DST: variants seen among roughly 807,000 people sequenced by gnomAD.
DST encodes the protein bullous pemphigoid antigen.
A neutral mutation model predicts 875.2 loss-of-function variants in DST; 253 were observed. That is an observed-to-expected ratio of 0.29 (90% confidence interval 0.26 to 0.32). DST has a LOEUF of 0.32. DST is among the 10% of genes least tolerant of loss of function. The pLI is 1.00. For missense variants in DST, 8,287 were observed against 9,111.6 expected (o/e 0.91, Z 3.68); for synonymous variants, 3,124 against 3,197.1 (o/e 0.98, Z 0.77).
chr6:56,897,455 C>T (rs1482239321), intron 3 of DST, among the ~76,000 whole-genome samples: 1 of 152,074 alleles, frequency 6.6e-6, no homozygotes, highest in East Asian at 1.9e-4. Context: ...TTCCACCTCC[C>T]GAGTAGCTGG....
chr6:56,640,608 G>A lies in DST; in HGVS notation c.2028-3C>T, dbSNP rs1166744704. 1 of 1,612,264 alleles carries A rather than the reference G, an allele frequency of 6.2e-7. No individual in the cohort carries two copies. The highest frequency in any genetic ancestry group is 8.5e-7 in the Non-Finnish European group (1 of 1,178,718). On this transcript the variant is annotated splice_region_variant and splice_polypyrimidine_tract_variant and intron_variant, in intron 17 of 103. Transcript: ENST00000680361. Reference sequence around the variant, plus strand: ...TTTCGTCACGCAGTTTTGCAACCCTGAAAAGAAAATCCAAAGGGATAAGGT... The same window carrying A: ...TTTCGTCACGCAGTTTTGCAACCCTAAAAAGAAAATCCAAAGGGATAAGGT...
chr6:56,585,969 A>G (rs1361448921), intron 49 of DST, among the ~76,000 whole-genome samples: 1 of 137,728 alleles, frequency 7.3e-6, no homozygotes, highest in Non-Finnish European at 1.7e-5. Flanking sequence ...ACAGTTTGTT[A>G]TAATTTCTGT....
chr6:56,742,408 G>C (rs1176504926), intron 4 of DST: 27 of 1,241,312 alleles, frequency 2.2e-5, no homozygotes, highest in Middle Eastern at 4.3e-4. Context: ...TCAGAGTCCT[G>C]TTAACTTTCT....
chr6:56,911,609 T>C (rs1798855522), intron 2 of DST, among the ~76,000 whole-genome samples: 1 of 152,174 alleles, frequency 6.6e-6, no homozygotes, highest in African/African-American at 2.4e-5. Flanking sequence ...CTCGTATGGA[T>C]CTTTTTCTTT....
At chr6:56,918,046 C>T (rs373795710) in intron 2 of DST, among the ~76,000 whole-genome samples, 16 of 152,098 alleles carry the variant, frequency 1.1e-4, no homozygotes, top group African/African-American at 3.9e-4. Context: ...AATAATTCAA[C>T]AAAAATGGGA....
chr6:56,582,841 C>T (rs1023459961), intron 49 of DST, among the ~76,000 whole-genome samples: 2 of 151,804 alleles, frequency 1.3e-5, no homozygotes, highest in South Asian at 2.1e-4. Context: ...TGAGAACATG[C>T]GGTGTTTGGT....
chr6:56,602,723 AT>A (rs796711889), intron 43 of DST, among the ~76,000 whole-genome samples, 158 bp downstream of exon 43: 9 of 152,124 alleles, frequency 5.9e-5, no homozygotes, highest in African/African-American at 2.2e-4. Flanking sequence ...AGTTGTGATT[AT>A]TTTATAGTTG....
chr6:56,532,995 T>C lies in DST; in HGVS notation c.16942-485A>G, dbSNP rs150716424. ...CAAGGAAGTTAAGACTCAGCCCAAG[T>C]TCACAAGTTAACAAGGCTAAAACGA... On this transcript the variant is annotated intron_variant, in intron 63 of 103. Coordinates refer to ENST00000680361, the MANE Select transcript of DST (RefSeq NM_001374736.1). Among the ~76,000 whole-genome samples, 1,140 of 152,272 alleles carry C rather than the reference T, an allele frequency of 7.5e-3. 5 individuals carry two copies. The highest frequency in any genetic ancestry group is 0.017 in the Middle Eastern group (5 of 294).
rs958007351 is a variant in DST, at chr6:56,721,102, G to A, written c.687+14126C>T. On this transcript the variant is annotated intron_variant, in intron 5 of 103. Transcript: ENST00000680361. ...CCCAGACGGGGCGGCTGCCGGGCGGGGGCGCCCCCCCACCTCCCAGACAGG... is the reference window on the plus strand; with the variant it reads ...CCCAGACGGGGCGGCTGCCGGGCGGAGGCGCCCCCCCACCTCCCAGACAGG... 2.6e-5 allele frequency among the ~76,000 whole-genome samples: 4 copies of A among 151,700 alleles called. No homozygotes were observed. In the South Asian group the frequency reaches 6.3e-4, roughly 24 times the overall value.
intron 72 of DST, among the ~76,000 whole-genome samples, chr6:56,513,159 T>C (rs368952617): frequency 8.5e-5 from 13 of 152,166 alleles, no homozygotes; most frequent in Admixed American, 4.6e-4. Context: ...CTGGAGTTCC[T>C]TTGGGTCTAG....
intron 2 of DST, among the ~76,000 whole-genome samples, chr6:56,946,822 A>G (rs1156845765): frequency 6.6e-6 from 1 of 152,226 alleles, no homozygotes; most frequent in African/African-American, 2.4e-5. Flanking sequence ...TTATTATAGG[A>G]GAGAAATTTT....
chr6:56,882,866 CT>C (rs1338395415), intron 3 of DST, among the ~76,000 whole-genome samples: 1 of 152,148 alleles, frequency 6.6e-6, no homozygotes, highest in African/African-American at 2.4e-5. Context: ...TAGCATGTTG[CT>C]TTTTTCTTTT....
chr6:56,836,805 T>C (rs1225644017), intron 4 of DST, among the ~76,000 whole-genome samples: 8 of 143,884 alleles, frequency 5.6e-5, no homozygotes, highest in Non-Finnish European at 1.1e-4. Flanking sequence ...GAGCCAAGAT[T>C]GCGCCACTGC....
At chr6:56,549,435 G>A (rs1376238449) in intron 61 of DST, among the ~76,000 whole-genome samples, 2 of 152,078 alleles carry the variant, frequency 1.3e-5, no homozygotes, top group Non-Finnish European at 2.9e-5. Flanking sequence ...CAAAAATTAT[G>A]TTAAAACTAA....
intron 4 of DST, among the ~76,000 whole-genome samples, chr6:56,819,506 A>G (rs1246272801): frequency 6.6e-6 from 1 of 152,204 alleles, no homozygotes; most frequent in Non-Finnish European, 1.5e-5. Context: ...ATAATTAGGA[A>G]AAAAGTAATT....
chr6:56,596,845 G>A (rs1002415894), intron 47 of DST, among the ~76,000 whole-genome samples: 2 of 152,224 alleles, frequency 1.3e-5, no homozygotes, highest in African/African-American at 2.4e-5. Context: ...ATTAATGTTA[G>A]CTTTAATTTA....
chr6:56,835,595 T>C (rs2099792674), intron 4 of DST, among the ~76,000 whole-genome samples: 3 of 152,344 alleles, frequency 2.0e-5, no homozygotes, highest in Non-Finnish European at 2.9e-5. Flanking sequence ...ACCTAATTCA[T>C]TGACTACCTA....
chr6:56,911,384 T>C (rs936941627), intron 2 of DST, among the ~76,000 whole-genome samples: 3 of 152,082 alleles, frequency 2.0e-5, no homozygotes, highest in African/African-American at 7.2e-5. Context: ...AGACCAAACT[T>C]TGAGTAACAA....
At chr6:56,615,060 A>C in intron 36 of DST, 1 of 1,004,274 alleles carries the variant, frequency 1.0e-6, no homozygotes, top group Non-Finnish European at 1.2e-6. Context: ...TTTTTGAAGC[A>C]ATCTAAAACA....
Sources: allele counts gnomAD v4.1 joint callset (sites outside exome capture counted in the v4.1 genomes callset), GRCh38; gene constraint gnomAD v4.1.1; transcripts MANE v1.5; gene names NCBI Gene and HGNC (gene_info 2026-07-23, HGNC 2026-07-21).